Variants in MFSD6 observed in about 807,000 individuals in gnomAD.
MFSD6 encodes the protein major facilitator superfamily domain containing 6, also known as major facilitator superfamily domain-containing protein 6.
In MFSD6, 26 loss-of-function variants were observed where a neutral mutation model predicts 56.3. The ratio of observed to expected loss-of-function variants is 0.46; its 90% confidence interval spans 0.34 to 0.64. MFSD6 has a LOEUF of 0.64. MFSD6 is among the 30% of genes least tolerant of loss of function. The pLI is 0.01. For missense variants in MFSD6, 750 were observed against 986.2 expected, an observed-to-expected ratio of 0.76 and a Z score of 3.21; for synonymous variants, 331 against 366.9, an observed-to-expected ratio of 0.90 and a Z score of 1.12.
At chr2:190,476,052 G>A (rs1482194790) in intron 4 of MFSD6, among the ~76,000 whole-genome samples, 5 of 151,780 alleles carry the variant, frequency 3.3e-5, no homozygotes, top group East Asian at 3.9e-4. Flanking sequence ...ACCTTATACA[G>A]AAATTAATTC....
At chr2:190,440,654 A>T (rs1005071438) in intron 3 of MFSD6, among the ~76,000 whole-genome samples, 6 of 152,210 alleles carry the variant, frequency 3.9e-5, no homozygotes, top group African/African-American at 1.4e-4. Context: ...TATTTGATTT[A>T]AATTTATTTA....
rs535515402 is a variant in MFSD6, at chr2:190,424,578, G to A, written c.-54+9165G>A. Among the ~76,000 whole-genome samples the A allele has an allele frequency of 5.2e-4, 79 of 152,144 alleles. No individual in the cohort carries two copies. The highest frequency in any genetic ancestry group is 1.6e-3 in the African/African-American group (68 of 41,514). ...TCGAACTCCTGACCTCAGGTGATCC[G>A]TCCACCTCGGCCACCAAAGTGCTGG... On this transcript the variant is annotated intron_variant, in intron 2 of 7. Transcript: ENST00000392328. This position sits in a 1 kb window ranked among gnomAD's most constrained non-coding sequence, Gnocchi z 5.9.
At chr2:190,422,888 C>T (rs1685673068) in intron 2 of MFSD6, among the ~76,000 whole-genome samples, 1 of 151,020 alleles carries the variant, frequency 6.6e-6, no homozygotes, top group Non-Finnish European at 1.5e-5. Context: ...CTACTTTCAT[C>T]TTTTTTTTTC....
Position 190,492,893 on chromosome 2 carries a change from A to G in MFSD6, c.1891+3027A>G, listed in dbSNP as rs1285140276. On this transcript the variant is annotated intron_variant, in intron 6 of 7. Transcript: ENST00000392328. This position sits in a 1 kb window ranked among gnomAD's most constrained non-coding sequence, Gnocchi z 5.2. Reference sequence around the variant, plus strand: ...TGAAAGGAGCTCTAAATCTTGAAACAAATCCTGGAAACACATCCAAACAGA... The same window carrying G: ...TGAAAGGAGCTCTAAATCTTGAAACGAATCCTGGAAACACATCCAAACAGA... Among the ~76,000 whole-genome samples the G allele has an allele frequency of 6.6e-6, 1 of 152,120 alleles. No homozygotes were observed. The highest frequency in any genetic ancestry group is 1.5e-5 in the Non-Finnish European group (1 of 68,022).
At chr2:190,420,263 T>C (rs1207302511) in intron 2 of MFSD6, among the ~76,000 whole-genome samples, 1 of 152,004 alleles carries the variant, frequency 6.6e-6, no homozygotes, top group Admixed American at 6.6e-5. Flanking sequence ...TTCTGGAGAC[T>C]GAGAAATCCA....
Position 190,458,388 on chromosome 2 carries a change from G to A in MFSD6, c.1533-11370G>A, listed in dbSNP as rs1687150762. On this transcript the variant is annotated intron_variant, in intron 3 of 7. Coordinates refer to ENST00000392328, the MANE Select transcript of MFSD6 (RefSeq NM_017694.4). The surrounding 1 kb of genome is among the most constrained non-coding windows in gnomAD (Gnocchi z 5.3). ...ACAAGGGAAGATAGGCGATGACACAGGGAGAGGATGACTTGTCTGCAAGCC... is the reference window on the plus strand; with the variant it reads ...ACAAGGGAAGATAGGCGATGACACAAGGAGAGGATGACTTGTCTGCAAGCC... Among the ~76,000 whole-genome samples, 1 of 152,194 alleles carries A rather than the reference G, an allele frequency of 6.6e-6. No homozygotes were observed. The highest frequency in any genetic ancestry group is 1.5e-5 in the Non-Finnish European group (1 of 68,030).
rs1365827372 is a variant in MFSD6 at position 190,488,084 on chromosome 2, G to C, written c.1631-573G>C. On this transcript the variant is annotated intron_variant, in intron 4 of 7. Coordinates refer to ENST00000392328, the MANE Select transcript of MFSD6 (RefSeq NM_017694.4). This position sits in a 1 kb window ranked among gnomAD's most constrained non-coding sequence, Gnocchi z 6.4. ...CGCCAGGCTAATTTTTTGTATTTTA[G>C]TAGAGACAGGGTTTCACCATGTTGG... is the stretch of plus-strand genomic sequence containing the variant. Among the ~76,000 whole-genome samples, 1 of 152,108 alleles carries C rather than the reference G, an allele frequency of 6.6e-6. No homozygotes were observed. The highest frequency in any genetic ancestry group is 6.6e-5 in the Admixed American group (1 of 15,264).
chr2:190,495,825 C>T lies in MFSD6; in HGVS notation c.1892-1614C>T, dbSNP rs565789152. Among the ~76,000 whole-genome samples the T allele has an allele frequency of 1.3e-5, 2 of 152,112 alleles. No homozygotes were observed. Among genetic ancestry groups the T allele is most frequent in the South Asian group, 4.1e-4 (2 of 4,822 alleles). Reference sequence around the variant, plus strand: ...ATGAAACTGGATCCTCATTTCTCACCGTATAAAAAAATCAACTCAAGATGG... The same window carrying T: ...ATGAAACTGGATCCTCATTTCTCACTGTATAAAAAAATCAACTCAAGATGG... On this transcript the variant is annotated intron_variant, in intron 6 of 7. Coordinates refer to ENST00000392328, the MANE Select transcript of MFSD6 (RefSeq NM_017694.4). The surrounding 1 kb of genome is among the most constrained non-coding windows in gnomAD (Gnocchi z 4.7).
At position 190,488,060 on chromosome 2, in the gene MFSD6, G is replaced by A. The variant is rs753171701; in HGVS notation, c.1631-597G>A. Among the ~76,000 whole-genome samples, 5 of 152,012 alleles carry A rather than the reference G, an allele frequency of 3.3e-5. No homozygotes were observed. The highest frequency in any genetic ancestry group is 3.9e-4 in the East Asian group (2 of 5,190). ...TGGGACTATAGGCGTGCACCACCAC[G>A]CCAGGCTAATTTTTTGTATTTTAGT... is the stretch of plus-strand genomic sequence containing the variant. On this transcript the variant is annotated intron_variant, in intron 4 of 7. Coordinates refer to ENST00000392328, the MANE Select transcript of MFSD6 (RefSeq NM_017694.4). This position sits in a 1 kb window ranked among gnomAD's most constrained non-coding sequence, Gnocchi z 6.4.
At chr2:190,479,353 T>A (rs1162788735) in intron 4 of MFSD6, among the ~76,000 whole-genome samples, 1 of 152,178 alleles carries the variant, frequency 6.6e-6, no homozygotes, top group Non-Finnish European at 1.5e-5. Flanking sequence ...AGAAAACATA[T>A]TTCCTACCTA....
At chr2:190,435,953 C>A in intron 2 of MFSD6, 24 bp from the exon 3 acceptor site, 1 of 1,499,470 alleles carries the variant, frequency 6.7e-7, no homozygotes, top group Admixed American at 2.3e-5. Context: ...ATTACTAAGC[C>A]ATCTTTTAAA....
chr2:190,497,256 A>G lies in MFSD6; in HGVS notation c.1892-183A>G, dbSNP rs1477367755. The stretch of plus-strand genomic sequence containing the variant: ...CCTATAAAGAGACCCAAAGATAAAC[A>G]TCATGTTCATTGATTCAGTACTTAC... On this transcript the variant is annotated intron_variant, in intron 6 of 7. Coordinates refer to ENST00000392328, the MANE Select transcript of MFSD6 (RefSeq NM_017694.4). This position sits in a 1 kb window ranked among gnomAD's most constrained non-coding sequence, Gnocchi z 5.2. 6.6e-6 allele frequency among the ~76,000 whole-genome samples: 1 copy of G among 152,150 alleles called. No homozygotes were observed. The highest frequency in any genetic ancestry group is 1.9e-4 in the East Asian group (1 of 5,202).
In MFSD6 at chr2:190,471,835, C is replaced by A. The variant is rs1290246285; in HGVS notation, c.1630+1980C>A. On this transcript the variant is annotated intron_variant, in intron 4 of 7. Coordinates refer to ENST00000392328, the MANE Select transcript of MFSD6 (RefSeq NM_017694.4). The surrounding 1 kb of genome is among the most constrained non-coding windows in gnomAD (Gnocchi z 4.7). ...CCGCAAGTAGCCTAACTGGGAGGCA[C>A]CCCCCAGTAGGGGCAGACTGATAAC... Among the ~76,000 whole-genome samples the A allele has an allele frequency of 2.6e-5, 4 of 152,196 alleles. No individual in the cohort carries two copies. The highest frequency in any genetic ancestry group is 5.9e-5 in the Non-Finnish European group (4 of 68,024).
rs1686272797 is a variant in MFSD6, at chr2:190,438,926, G to A, written c.1532+1365G>A. Among the ~76,000 whole-genome samples, 3 of 152,026 alleles carry A rather than the reference G, an allele frequency of 2.0e-5. No individual in the cohort carries two copies. The South Asian group carries it at 6.2e-4, about 32-fold the overall frequency. On this transcript the variant is annotated intron_variant, in intron 3 of 7. Coordinates refer to ENST00000392328, the MANE Select transcript of MFSD6 (RefSeq NM_017694.4). This position sits in a 1 kb window ranked among gnomAD's most constrained non-coding sequence, Gnocchi z 5.2. ...TTGGTTTGGTTTTGCTTCGGGAGGTGGTGTTCTGTTCCTTCCCTTTCTCAG... is the reference window on the plus strand; with the variant it reads ...TTGGTTTGGTTTTGCTTCGGGAGGTAGTGTTCTGTTCCTTCCCTTTCTCAG...
At position 190,467,280 on chromosome 2, in the gene MFSD6, C is replaced by T. The variant is rs1407438405; in HGVS notation, c.1533-2478C>T. Among the ~76,000 whole-genome samples, 3 of 152,154 alleles carry T rather than the reference C, an allele frequency of 2.0e-5. No individual in the cohort carries two copies. The highest frequency in any genetic ancestry group is 7.2e-5 in the African/African-American group (3 of 41,428). On this transcript the variant is annotated intron_variant, in intron 3 of 7. Coordinates refer to ENST00000392328, the MANE Select transcript of MFSD6 (RefSeq NM_017694.4). This position sits in a 1 kb window ranked among gnomAD's most constrained non-coding sequence, Gnocchi z 5.5. Reference sequence around the variant, plus strand: ...TTGAGATAGGTGTGGGCCTCGGCATCTGTAGTTGTAAACAGTTACCATGGT... The same window carrying T: ...TTGAGATAGGTGTGGGCCTCGGCATTTGTAGTTGTAAACAGTTACCATGGT...
At chr2:190,453,984 G>A (rs1352586662) in intron 3 of MFSD6, 1 of 152,182 alleles carries the variant, frequency 6.6e-6, no homozygotes, top group Non-Finnish European at 1.5e-5. Context: ...GAAGATTCTT[G>A]TATCTTTTAT....
At position 190,489,914 on chromosome 2, in the gene MFSD6, G is replaced by A. The variant is rs368482091; in HGVS notation, c.1891+48G>A. On this transcript the variant is annotated intron_variant, in intron 6 of 7. Transcript: ENST00000392328. This position sits in a 1 kb window ranked among gnomAD's most constrained non-coding sequence, Gnocchi z 6.6. ...AATATTCCTAACAGTTCAGGCCATG[G>A]GAAGTCAACAAATGCCCCGAGAAGC... is the stretch of plus-strand genomic sequence containing the variant. 62 of 1,478,088 alleles carry A rather than the reference G, an allele frequency of 4.2e-5. No individual in the cohort carries two copies. Among genetic ancestry groups the A allele is most frequent in the Non-Finnish European group, 5.4e-5 (60 of 1,104,462 alleles). 91.6% of individuals were successfully genotyped at this position (1,478,088 alleles called of 1,614,324 possible).
In MFSD6 at chr2:190,487,930, C is replaced by G. The variant is rs911975334; in HGVS notation, c.1631-727C>G. Among the ~76,000 whole-genome samples the G allele has an allele frequency of 8.6e-5, 13 of 152,046 alleles. No individual in the cohort carries two copies. Among genetic ancestry groups the G allele is most frequent in the African/African-American group, 2.9e-4 (12 of 41,400 alleles). ...TTTTTTTTCTTTTTTGAGACAGAAT[C>G]TTGCTCTGTTGCCAGGCTGGGGAGT... is the stretch of plus-strand genomic sequence containing the variant. On this transcript the variant is annotated intron_variant, in intron 4 of 7. Transcript: ENST00000392328. This position sits in a 1 kb window ranked among gnomAD's most constrained non-coding sequence, Gnocchi z 5.5.
In MFSD6 at chr2:190,439,563, G is replaced by C. The variant is rs574917649; in HGVS notation, c.1532+2002G>C. The stretch of plus-strand genomic sequence containing the variant: ...CATTTTCATGATAAAATCCTAGTGG[G>C]TTTACTACTCCTTTGGTAAGCTTAG... On this transcript the variant is annotated intron_variant, in intron 3 of 7. Transcript: ENST00000392328. This position sits in a 1 kb window ranked among gnomAD's most constrained non-coding sequence, Gnocchi z 5.8. 1.8e-4 allele frequency among the ~76,000 whole-genome samples: 27 copies of C among 152,194 alleles called. No individual in the cohort carries two copies. The highest frequency in any genetic ancestry group is 6.3e-4 in the African/African-American group (26 of 41,524).
Sources: gnomAD v4.1 joint callset for allele counts (sites outside exome capture counted in the v4.1 genomes callset) on GRCh38, gnomAD v4.1.1 for gene constraint, Gnocchi (gnomAD v3.1) non-coding constraint, MANE v1.5 for transcripts, NCBI Gene and HGNC (gene_info 2026-07-23, HGNC 2026-07-21) for gene names.